Variants in STK39 observed in about 807,000 individuals in gnomAD.
STK39 encodes the protein serine/threonine kinase 39.
A neutral mutation model predicts 77.8 loss-of-function variants in STK39; 20 were observed. The observed-to-expected ratio is 0.26, with a 90% CI of 0.18 to 0.37. The LOEUF (loss-of-function observed/expected upper bound fraction) is 0.37. STK39 is among the 10% of genes least tolerant of loss of function. The probability of loss-of-function intolerance (pLI) is 1.00; values close to 1 mark genes in which losing one functional copy is unlikely to be tolerated. For missense variants in STK39, 479 were observed against 656.5 expected (o/e 0.73, Z 2.95); for synonymous variants, 246 against 234.1 (o/e 1.05, Z -0.47).
In STK39 at chr2:167,994,697, C is replaced by T. The variant is rs184062429; in HGVS notation, c.1498+17937G>A. On this transcript the variant is annotated intron_variant, in intron 16 of 17. Transcript: ENST00000355999. ...TTCATGTAAATGGAATCATATAATA[C>T]GTGACCTTTTGTGTCTGGCTTCTTA... 5.1e-3 allele frequency among the ~76,000 whole-genome samples: 770 copies of T among 152,256 alleles called. 4 individuals are homozygous for T. The highest frequency in any genetic ancestry group is 8.9e-3 in the Non-Finnish European group (602 of 68,022).
At chr2:168,212,074 C>A (rs1013650094) in intron 1 of STK39, among the ~76,000 whole-genome samples, 14 of 152,200 alleles carry the variant, frequency 9.2e-5, no homozygotes, top group Admixed American at 6.5e-5. Flanking sequence ...TAAAAAATAT[C>A]TCATCCAGTC....
chr2:168,000,101 G>T (rs550664350), intron 16 of STK39, among the ~76,000 whole-genome samples: 66 of 152,292 alleles, frequency 4.3e-4, no homozygotes, highest in Non-Finnish European at 8.4e-4. Context: ...AGGGAAATAC[G>T]TGTTATTACT....
intron 15 of STK39, among the ~76,000 whole-genome samples, chr2:168,015,941 T>G (rs1000753428): frequency 1.3e-5 from 2 of 152,170 alleles, no homozygotes; most frequent in East Asian, 3.9e-4. Flanking sequence ...GTCCATTTAT[T>G]TATTCAGACA....
intron 16 of STK39, among the ~76,000 whole-genome samples, chr2:167,995,637 A>C (rs1196097126): frequency 6.7e-6 from 1 of 149,544 alleles, no homozygotes; most frequent in Non-Finnish European, 1.5e-5. Context: ...TGGTTTTAGA[A>C]ACTATACTGC....
intron 2 of STK39, among the ~76,000 whole-genome samples, chr2:168,169,631 C>CGCGTGTGTGTGTGTGT: frequency 6.9e-6 from 1 of 145,828 alleles, no homozygotes; most frequent in African/African-American, 2.5e-5. Flanking sequence ...TTGCAGTGAG[C>CGCGTGTGTGTGTGTGT]GTGTGTGTGT....
chr2:168,208,474 A>G (rs1689797904), intron 1 of STK39, among the ~76,000 whole-genome samples: 1 of 152,186 alleles, frequency 6.6e-6, no homozygotes, highest in Non-Finnish European at 1.5e-5. Context: ...ATAAAGATAC[A>G]TGCAGAGACA....
At chr2:168,133,412 T>C (rs1687750868) in intron 8 of STK39, among the ~76,000 whole-genome samples, 1 of 152,166 alleles carries the variant, frequency 6.6e-6, no homozygotes. Context: ...TGTTAAGTAA[T>C]AGGTAATTCC....
At chr2:168,108,694 C>T (rs952728678) in intron 10 of STK39, among the ~76,000 whole-genome samples, 15 of 152,108 alleles carry the variant, frequency 9.9e-5, no homozygotes, top group African/African-American at 3.1e-4. Flanking sequence ...GGTAAGAAAT[C>T]TGTACTAAAC....
chr2:168,071,755 G>T (rs1405385817), intron 12 of STK39, among the ~76,000 whole-genome samples: 2 of 151,836 alleles, frequency 1.3e-5, no homozygotes, highest in African/African-American at 2.4e-5. Flanking sequence ...TGTAGTCCCA[G>T]CTACTGGGAG....
chr2:168,142,770 T>A (rs1290831113), intron 5 of STK39, among the ~76,000 whole-genome samples: 1 of 152,158 alleles, frequency 6.6e-6, no homozygotes, highest in African/African-American at 2.4e-5. Flanking sequence ...AGAACAAAAA[T>A]TTCAGGAGCA....
At chr2:168,179,059 TTG>T (rs1676498644) in intron 2 of STK39, among the ~76,000 whole-genome samples, 1 of 146,196 alleles carries the variant, frequency 6.8e-6, no homozygotes, top group African/African-American at 2.6e-5. Context: ...TAGTTGATAA[TTG>T]TGATTTCTAT....
Position 168,110,961 on chromosome 2 carries a change from A to T in STK39, c.1089+18580T>A, listed in dbSNP as rs570878779. The stretch of plus-strand genomic sequence containing the variant: ...TTCAATGTCTTCCAATAAATTTTAT[A>T]CTTTTTCTGCCTAAAATTCTTATAT... On this transcript the variant is annotated intron_variant, in intron 10 of 17. Transcript: ENST00000355999. Among the ~76,000 whole-genome samples, 233 of 152,234 alleles carry T rather than the reference A, an allele frequency of 1.5e-3. 1 individual carries two copies. Among genetic ancestry groups the T allele is most frequent in the African/African-American group, 5.5e-3 (228 of 41,554 alleles).
At chr2:168,199,095 C>T (rs1350944126) in intron 1 of STK39, among the ~76,000 whole-genome samples, 5 of 152,178 alleles carry the variant, frequency 3.3e-5, no homozygotes, top group Non-Finnish European at 7.4e-5. Context: ...TCAGGGACTT[C>T]AGGCTTCAGG....
At position 168,017,377 on chromosome 2, in the gene STK39, A is replaced by ATTTTTT. The variant is rs386391743; in HGVS notation, c.1377-288_1377-283dup. Among the ~76,000 whole-genome samples the ATTTTTT allele has an allele frequency of 1.9e-4, 18 of 93,592 alleles. 1 individual carries two copies. The highest frequency in any genetic ancestry group is 6.5e-4 in the East Asian group (2 of 3,062). The allele number at this position is 93,592 out of a possible 152,430, so 61.4% of individuals were successfully genotyped here. On this transcript the variant is annotated intron_variant, in intron 14 of 17. Transcript: ENST00000355999. ...AATCTGCACTAAACAGGAAACCTTA[A>ATTTTTT]TTTTTTTTTTTTTTTTTTTTTTTTG...
intron 16 of STK39, among the ~76,000 whole-genome samples, chr2:167,977,583 A>C (rs559069637): frequency 1.3e-5 from 2 of 152,234 alleles, no homozygotes; most frequent in African/African-American, 4.8e-5. Context: ...GAAAAAAAAA[A>C]AAAAAACAAA....
At chr2:168,024,579 A>T (rs927142831) in intron 14 of STK39, among the ~76,000 whole-genome samples, 3 of 152,192 alleles carry the variant, frequency 2.0e-5, no homozygotes, top group African/African-American at 7.2e-5. Context: ...TGACACAGCA[A>T]GAAGACATTA....
At chr2:167,984,065 A>G (rs972789151) in intron 16 of STK39, among the ~76,000 whole-genome samples, 5 of 152,202 alleles carry the variant, frequency 3.3e-5, no homozygotes, top group African/African-American at 9.6e-5. Flanking sequence ...GCTGTTGCCT[A>G]TTAAGATCCA....
rs1691732270 is a variant in STK39 at position 167,955,260 on chromosome 2, T to C, written c.*236A>G. 1 of 353,406 alleles carries C rather than the reference T, an allele frequency of 2.8e-6. No homozygotes were observed. The highest frequency in any genetic ancestry group is 2.1e-5 in the African/African-American group (1 of 48,380). 21.9% of individuals were successfully genotyped at this position (353,406 alleles called of 1,614,324 possible). ...AGCAACAGTCGTGCAGCTGTGGCAT[T>C]TGCTTGTTCTTGTACTGTGGATTGC... On this transcript the variant is annotated 3_prime_UTR_variant, in exon 18 of 18. Coordinates refer to ENST00000355999, the MANE Select transcript of STK39 (RefSeq NM_013233.3).
chr2:168,198,038 CAA>C (rs11448638), intron 1 of STK39, among the ~76,000 whole-genome samples: 6 of 124,404 alleles, frequency 4.8e-5, no homozygotes, highest in Non-Finnish European at 5.4e-5. Flanking sequence ...AACTCGGTCT[CAA>C]AAAAAAAAAA....
Sources: gnomAD v4.1 joint callset for allele counts (sites outside exome capture counted in the v4.1 genomes callset) on GRCh38, gnomAD v4.1.1 for gene constraint, MANE v1.5 for transcripts, NCBI Gene and HGNC (gene_info 2026-07-23, HGNC 2026-07-21) for gene names.